DOK5: variants seen among roughly 807,000 people sequenced by gnomAD.
DOK5 encodes docking protein 5, also known as downstream of tyrosine kinase 5.
In DOK5, 27 loss-of-function variants were observed where a neutral mutation model predicts 43.3. That is an observed-to-expected ratio of 0.62 (90% CI 0.46 to 0.86). The LOEUF (loss-of-function observed/expected upper bound fraction) is 0.86. DOK5 is among the 40% of genes least tolerant of loss of function. The probability of loss-of-function intolerance (pLI) is 0.00; values close to 1 mark genes in which losing one functional copy is unlikely to be tolerated. For synonymous variants in DOK5, 146 were observed against 140.1 expected (o/e 1.04, Z -0.30); for missense variants, 373 against 392.9 (o/e 0.95, Z 0.43).
intron 1 of DOK5, among the ~76,000 whole-genome samples, chr20:54,489,724 G>C (rs533757441): frequency 6.6e-6 from 1 of 152,092 alleles, no homozygotes; most frequent in Non-Finnish European, 1.5e-5. Context: ...ACCTGGGTTC[G>C]AATCCAACGT....
intron 1 of DOK5, among the ~76,000 whole-genome samples, chr20:54,552,748 C>A (rs76309838): frequency 0.012 from 1,780 of 152,260 alleles, 39 homozygotes; most frequent in African/African-American, 0.041. Context: ...GGATCAGACA[C>A]ATATCTTAGC....
At chr20:54,621,688 C>CA (rs11449629) in intron 6 of DOK5, among the ~76,000 whole-genome samples, 5,300 of 132,650 alleles carry the variant, frequency 0.04, 300 homozygotes, top group African/African-American at 0.13. Context: ...GACTCGGCCT[C>CA]AAAAAAAAAA....
intron 6 of DOK5, among the ~76,000 whole-genome samples, chr20:54,637,863 C>T (rs2146824150): frequency 6.6e-6 from 1 of 152,312 alleles, no homozygotes; most frequent in Middle Eastern, 3.4e-3. Context: ...TGGCTCACGC[C>T]TGTAATCCCA....
At chr20:54,508,050 A>G (rs1982875996) in intron 1 of DOK5, among the ~76,000 whole-genome samples, 1 of 152,284 alleles carries the variant, frequency 6.6e-6, no homozygotes, top group South Asian at 2.1e-4. Context: ...CTAGCTTTAG[A>G]AGCTCGAAGA....
At chr20:54,632,080 G>T (rs1393547938) in intron 6 of DOK5, among the ~76,000 whole-genome samples, 1 of 152,198 alleles carries the variant, frequency 6.6e-6, no homozygotes, top group Non-Finnish European at 1.5e-5. Context: ...CAGACCCAAA[G>T]ATAGAGCTGT....
At chr20:54,487,988 T>G (rs902997471) in intron 1 of DOK5, among the ~76,000 whole-genome samples, 3 of 152,242 alleles carry the variant, frequency 2.0e-5, no homozygotes, top group Non-Finnish European at 4.4e-5. Flanking sequence ...CACCATACAT[T>G]CATTCAATAA....
At chr20:54,596,979 A>G (rs1232743575) in intron 5 of DOK5, among the ~76,000 whole-genome samples, 2 of 152,182 alleles carry the variant, frequency 1.3e-5, no homozygotes, top group Non-Finnish European at 2.9e-5. Context: ...CTCTGCTGTC[A>G]TTATATATAC....
Position 54,475,664 on chromosome 20 carries a change from C to A in DOK5, c.-283C>A, listed in dbSNP as rs1981386442. 7.7e-6 allele frequency: 4 copies of A among 517,034 alleles called. No homozygotes were observed. The highest frequency in any genetic ancestry group is 6.9e-5 in the South Asian group (3 of 43,546). The allele number at this position is 517,034 out of a possible 1,614,324, so 32.0% of individuals were successfully genotyped here. A position where few individuals can be genotyped will look rare whatever the true frequency, so the allele number is the denominator to read the frequency against. On this transcript the variant is annotated 5_prime_UTR_variant, in exon 1 of 8. Coordinates refer to ENST00000262593, the MANE Select transcript of DOK5 (RefSeq NM_018431.5). This position sits in a 1 kb window ranked among gnomAD's most constrained non-coding sequence, Gnocchi z 4.2. The stretch of plus-strand genomic sequence containing the variant: ...CAGCCGCCGCCGCTCCTCCTCCTGG[C>A]AGGCCGGCCGCGGAGTCAGCTGACG...
intron 1 of DOK5, among the ~76,000 whole-genome samples, chr20:54,547,934 T>C (rs551144037): frequency 2.6e-4 from 40 of 152,320 alleles, no homozygotes; most frequent in Admixed American, 1.0e-3. Context: ...CATTCAGCTG[T>C]GGCAGTGGTC....
chr20:54,547,061 GT>G (rs1984372828), intron 1 of DOK5, among the ~76,000 whole-genome samples: 1 of 152,198 alleles, frequency 6.6e-6, no homozygotes, highest in Non-Finnish European at 1.5e-5. Flanking sequence ...AGCTTAAAGA[GT>G]TGAGAAATAC....
chr20:54,524,809 C>T (rs1284975838), intron 1 of DOK5, among the ~76,000 whole-genome samples: 2 of 152,148 alleles, frequency 1.3e-5, no homozygotes, highest in Admixed American at 1.3e-4. Flanking sequence ...TTTGCATGCT[C>T]TTGAGCTTAT....
intron 5 of DOK5, among the ~76,000 whole-genome samples, chr20:54,606,404 G>A (rs796066156): frequency 3.9e-5 from 6 of 152,276 alleles, no homozygotes; most frequent in African/African-American, 1.4e-4. Flanking sequence ...AAAGAGAAAG[G>A]AGGAATCGGG....
chr20:54,603,987 C>CA (rs1037706835), intron 5 of DOK5, among the ~76,000 whole-genome samples: 6 of 139,176 alleles, frequency 4.3e-5, no homozygotes, highest in African/African-American at 8.3e-5. Context: ...TGCTCTGTCG[C>CA]CCAGGCTGGA....
chr20:54,583,717 C>G (rs1031604715), intron 2 of DOK5, among the ~76,000 whole-genome samples: 2 of 152,076 alleles, frequency 1.3e-5, no homozygotes, highest in Non-Finnish European at 2.9e-5. Context: ...CTTCTTTTGA[C>G]TGCTGTTTCT....
rs1200900726 is a variant in DOK5, at chr20:54,554,930, C to T, written c.67-3C>T. 1.2e-6 allele frequency: 2 copies of T among 1,601,900 alleles called. No individual in the cohort carries two copies. Among genetic ancestry groups the T allele is most frequent in the African/African-American group, 2.7e-5 (2 of 74,630 alleles). ...TGAGCTCAGTCTTTGTATTTCCTTC[C>T]AGATTTATCAGCGATGCTGGTTAGT... On this transcript the variant is annotated splice_polypyrimidine_tract_variant and splice_region_variant and intron_variant, in intron 1 of 7. Transcript: ENST00000262593.
At chr20:54,555,392 T>C (rs544435005) in intron 2 of DOK5, 150 of 161,562 alleles carry the variant, frequency 9.3e-4, no homozygotes, top group Non-Finnish European at 8.1e-4. Flanking sequence ...ATTCAATGCT[T>C]GGGGAATGTG....
intron 2 of DOK5, chr20:54,555,556 TTAAGG>T (rs1348889922): frequency 6.5e-6 from 1 of 153,404 alleles, no homozygotes; most frequent in Non-Finnish European, 1.5e-5. Flanking sequence ...TTACAACTCA[TTAAGG>T]TAAGTACAAG....
At chr20:54,511,681 G>A (rs1198887526) in intron 1 of DOK5, among the ~76,000 whole-genome samples, 1 of 152,182 alleles carries the variant, frequency 6.6e-6, no homozygotes, top group East Asian at 1.9e-4. Context: ...AAGGCCCAGG[G>A]ATGCACCTGA....
intron 1 of DOK5, among the ~76,000 whole-genome samples, chr20:54,517,678 C>T (rs949652056): frequency 5.3e-5 from 8 of 152,156 alleles, no homozygotes; most frequent in South Asian, 4.2e-4. Context: ...TTATGCACCC[C>T]CCGCTCCAAA....
Sources: gnomAD v4.1 joint callset for allele counts (sites outside exome capture counted in the v4.1 genomes callset) on GRCh38, gnomAD v4.1.1 for gene constraint, Gnocchi (gnomAD v3.1) non-coding constraint, MANE v1.5 for transcripts, NCBI Gene and HGNC (gene_info 2026-07-23, HGNC 2026-07-21) for gene names.